STYK1: variants seen among roughly 807,000 people sequenced by gnomAD.
STYK1 encodes tyrosine-protein kinase STYK1.
Under a neutral mutation model 48.1 loss-of-function variants are expected in STYK1, and 46 were observed. That is an observed-to-expected ratio of 0.96 (90% confidence interval 0.75 to 1.22). The LOEUF (loss-of-function observed/expected upper bound fraction) is 1.22, where lower values mean the gene tolerates loss of function less well. Ranked by LOEUF, STYK1 falls within the 50% of genes most tolerant of loss-of-function variation. The pLI is 0.00. For missense variants in STYK1, 527 were observed against 521.1 expected, an observed-to-expected ratio of 1.01 and a Z score of -0.11; for synonymous variants, 188 against 189.0, an observed-to-expected ratio of 0.99 and a Z score of 0.04.
At chr12:10,659,163 C>T (rs2120779481) in intron 1 of STYK1, among the ~76,000 whole-genome samples, 1 of 152,246 alleles carries the variant, frequency 6.6e-6, no homozygotes, top group South Asian at 2.1e-4. Context: ...CTGAAATAAT[C>T]CTTTTATGAC....
intron 1 of STYK1, among the ~76,000 whole-genome samples, chr12:10,643,750 C>A (rs1312325967): frequency 6.6e-6 from 1 of 152,154 alleles, no homozygotes; most frequent in Non-Finnish European, 1.5e-5. Flanking sequence ...GGAGGAATAT[C>A]CAGGCCTTGG....
At chr12:10,657,713 C>T (rs1403748187) in intron 1 of STYK1, among the ~76,000 whole-genome samples, 1 of 152,216 alleles carries the variant, frequency 6.6e-6, no homozygotes, top group East Asian at 1.9e-4. Context: ...CCTGGCAATG[C>T]TGGAAAGAAT....
intron 1 of STYK1, among the ~76,000 whole-genome samples, chr12:10,644,549 A>G (rs1947579244): frequency 6.6e-6 from 1 of 152,252 alleles, no homozygotes; most frequent in African/African-American, 2.4e-5. Flanking sequence ...GTTTTGCAGC[A>G]ATTGAGTAAT....
chr12:10,666,618 C>T (rs1219241480), intron 1 of STYK1, among the ~76,000 whole-genome samples: 2 of 152,132 alleles, frequency 1.3e-5, no homozygotes, highest in African/African-American at 4.8e-5. Context: ...CCCCGTAATC[C>T]CCCCATGTCG....
intron 4 of STYK1, among the ~76,000 whole-genome samples, chr12:10,631,946 A>G (rs1421372186): frequency 6.6e-6 from 1 of 152,180 alleles, no homozygotes; most frequent in East Asian, 1.9e-4. Flanking sequence ...GTACTGTTCT[A>G]AGTGCTGGGA....
chr12:10,670,662 G>T (rs186813510), intron 1 of STYK1, among the ~76,000 whole-genome samples: 147 of 151,460 alleles, frequency 9.7e-4, no homozygotes, highest in African/African-American at 3.5e-3. Flanking sequence ...GAGATCTATT[G>T]TACAACATGG....
chr12:10,670,006 G>A (rs954863075), intron 1 of STYK1, among the ~76,000 whole-genome samples: 3 of 152,188 alleles, frequency 2.0e-5, no homozygotes, highest in African/African-American at 7.2e-5. Flanking sequence ...AGAGAAAGGG[G>A]AATGCTTGCA....
At chr12:10,635,628 A>G (rs1947477908) in intron 2 of STYK1, among the ~76,000 whole-genome samples, 1 of 152,230 alleles carries the variant, frequency 6.6e-6, no homozygotes, top group Non-Finnish European at 1.5e-5. Context: ...AAAATTGTAT[A>G]GCATAAAAAT....
At chr12:10,621,543 G>A (rs961286061) in intron 10 of STYK1, among the ~76,000 whole-genome samples, 2 of 152,056 alleles carry the variant, frequency 1.3e-5, no homozygotes, top group African/African-American at 4.8e-5. Context: ...ACTTGCATTG[G>A]GTTTAGTTTA....
chr12:10,659,948 T>C (rs997194344), intron 1 of STYK1, among the ~76,000 whole-genome samples: 1 of 152,188 alleles, frequency 6.6e-6, no homozygotes, highest in Non-Finnish European at 1.5e-5. Context: ...CAATTTAGAC[T>C]GACCCTGCTT....
intron 3 of STYK1, 98 bp downstream of exon 3, chr12:10,634,469 T>C: frequency 7.4e-7 from 1 of 1,345,390 alleles, no homozygotes. Context: ...TCTTCATTTC[T>C]ACTGGAAATC....
intron 1 of STYK1, among the ~76,000 whole-genome samples, chr12:10,650,460 A>C (rs956104473): frequency 6.6e-6 from 1 of 152,234 alleles, no homozygotes; most frequent in Non-Finnish European, 1.5e-5. Context: ...TCTAGCAAGA[A>C]TTTATTTGTA....
intron 1 of STYK1, among the ~76,000 whole-genome samples, chr12:10,653,805 G>A (rs558783224): frequency 2.0e-5 from 3 of 152,296 alleles, no homozygotes; most frequent in African/African-American, 7.2e-5. Context: ...GAACAAAAAC[G>A]TGGCACTGCA....
At chr12:10,666,930 T>A (rs938340128) in intron 1 of STYK1, among the ~76,000 whole-genome samples, 14 of 152,240 alleles carry the variant, frequency 9.2e-5, no homozygotes, top group African/African-American at 3.1e-4. Context: ...AAAGGACTAG[T>A]ACACATGTGT....
chr12:10,641,868 C>T (rs1947549160), intron 1 of STYK1, among the ~76,000 whole-genome samples: 1 of 152,102 alleles, frequency 6.6e-6, no homozygotes, highest in African/African-American at 2.4e-5. Context: ...CTGAGCAGTC[C>T]AGGAATTAAG....
rs373190195 is a variant in STYK1 at position 10,631,227 on chromosome 12, G to C, written c.269C>G (p.Thr90Arg). The C allele has an allele frequency of 1.2e-6, 2 of 1,614,096 alleles. No individual in the cohort carries two copies. Among genetic ancestry groups the C allele is most frequent in the Admixed American group, 1.7e-5 (1 of 60,004 alleles). The change falls in exon 5 of 11, where the codon ACA (threonine) becomes AGA (arginine). Residue 90 changes from threonine (T) to arginine (R), a missense_variant. By Grantham distance (71) the Thr-to-Arg change is moderately conservative (BLOSUM62 -1). Transcript: ENST00000075503. Reference protein sequence around the residue: ...GGNVALPLKETSVENFLGATT... With the variant: ...GGNVALPLKERSVENFLGATT... ...AGCTCCCAGAAAGTTTTCCACGGATGTCTCCTTAAGTGGCAAAGCCACATT... is the reference window on the plus strand; with the variant it reads ...AGCTCCCAGAAAGTTTTCCACGGATCTCTCCTTAAGTGGCAAAGCCACATT...
intron 7 of STYK1, 126 bp from the exon 8 acceptor site, chr12:10,624,985 A>G (rs1351841115): frequency 1.5e-5 from 11 of 744,100 alleles, no homozygotes; most frequent in Admixed American, 2.2e-5. Context: ...AGTCTCACTA[A>G]TAATGATATG....
At chr12:10,622,295 T>C (rs1865920836) in intron 9 of STYK1, among the ~76,000 whole-genome samples, 1 of 152,172 alleles carries the variant, frequency 6.6e-6, no homozygotes, top group African/African-American at 2.4e-5. Flanking sequence ...GTCAAATGAA[T>C]TAATAAGTCT....
chr12:10,646,645 A>G (rs570153091), intron 1 of STYK1, among the ~76,000 whole-genome samples: 2 of 152,364 alleles, frequency 1.3e-5, no homozygotes, highest in South Asian at 4.1e-4. Context: ...AGTAACAAGG[A>G]GCCAAATGTT....
Sources: allele counts gnomAD v4.1 joint callset (sites outside exome capture counted in the v4.1 genomes callset), GRCh38; gene constraint gnomAD v4.1.1; transcripts MANE v1.5; gene names NCBI Gene and HGNC (gene_info 2026-07-23, HGNC 2026-07-21).